CENPQ: variants seen among roughly 807,000 people sequenced by gnomAD.
CENPQ encodes chromosome 6 open reading frame 139.
In CENPQ, 27 loss-of-function variants were observed where a neutral mutation model predicts 36.6. The ratio of observed to expected loss-of-function variants is 0.74; its 90% CI spans 0.54 to 1.02. The LOEUF (loss-of-function observed/expected upper bound fraction) is 1.02. CENPQ is among the 50% of genes least tolerant of loss of function. The pLI is 0.00. For missense variants in CENPQ, 306 were observed against 301.8 expected (o/e 1.01, Z -0.10); for synonymous variants, 101 against 101.7 (o/e 0.99, Z 0.04).
Position 49,481,025 on chromosome 6 carries a change from T to C in CENPQ, c.422T>C (p.Leu141Pro). ...MEDLTNVSSL[L>P]NMERARDKAN... is the part of the protein sequence containing the mutation. ...GATTTAACTAATGTATCAAGTCTAC[T>C]GAATATGGAAAGGGCACGAGACAAA... Residue 141 changes from leucine (L) to proline (P), a missense_variant, in exon 6 of 9, where the codon CTG becomes CCG. By Grantham distance (98) the Leu-to-Pro change is moderately conservative (BLOSUM62 -3). Transcript: ENST00000335783. 1 of 1,611,766 alleles carries C rather than the reference T, an allele frequency of 6.2e-7. No homozygotes were observed. The highest frequency in any genetic ancestry group is 1.1e-5 in the South Asian group (1 of 90,474).
At chr6:49,478,886 G>A (rs1768364850) in intron 5 of CENPQ, among the ~76,000 whole-genome samples, 1 of 152,092 alleles carries the variant, frequency 6.6e-6, no homozygotes, top group South Asian at 2.1e-4. Context: ...TGATATAATA[G>A]GATATATTCA....
intron 1 of CENPQ, among the ~76,000 whole-genome samples, chr6:49,468,555 C>A (rs1768057718): frequency 6.6e-6 from 1 of 151,992 alleles, no homozygotes; most frequent in Admixed American, 6.6e-5. Context: ...CGAGATCGCA[C>A]CACTGCACTC....
In CENPQ at chr6:49,471,830, T is replaced by C. The variant is rs546885546; in HGVS notation, c.158-233T>C. 3.9e-5 allele frequency among the ~76,000 whole-genome samples: 6 copies of C among 152,296 alleles called. No individual in the cohort carries two copies. The East Asian group carries it at 1.2e-3, about 29-fold the overall frequency. On this transcript the variant is annotated intron_variant, in intron 3 of 8. Coordinates refer to ENST00000335783, the MANE Select transcript of CENPQ (RefSeq NM_018132.4). The stretch of plus-strand genomic sequence containing the variant: ...AGTTTGATTCTTCATTTAAAATTAT[T>C]TCTATTATCACTTGGTAGTATTTCT...
intron 5 of CENPQ, among the ~76,000 whole-genome samples, chr6:49,476,711 T>C (rs923054685): frequency 6.6e-6 from 1 of 151,954 alleles, no homozygotes; most frequent in Non-Finnish European, 1.5e-5. Flanking sequence ...TACAATGAAC[T>C]CAAACAAATT....
In CENPQ at chr6:49,481,082, T is replaced by G. The variant is rs772770346; in HGVS notation, c.477+2T>G. Reference sequence around the variant, plus strand: ...GAAGAAGGTCTGGCATTACTACAGGTATGAAATTTGAATAGGGAATCCATA... The same window carrying G: ...GAAGAAGGTCTGGCATTACTACAGGGATGAAATTTGAATAGGGAATCCATA... On this transcript the variant is annotated splice_donor_variant, in intron 6 of 8. Coordinates refer to ENST00000335783, the MANE Select transcript of CENPQ (RefSeq NM_018132.4). LOFTEE classifies it high-confidence loss of function. 3.1e-6 allele frequency: 5 copies of G among 1,592,262 alleles called. No homozygotes were observed. In the South Asian group the frequency reaches 5.8e-5, roughly 19 times the overall value.
chr6:49,487,285 G>A (rs72855824), intron 6 of CENPQ, among the ~76,000 whole-genome samples: 34,228 of 149,014 alleles, frequency 0.23, 4,010 homozygotes, highest in South Asian at 0.28. Flanking sequence ...TAAGGGGCCA[G>A]ACAACATTTT....
intron 6 of CENPQ, among the ~76,000 whole-genome samples, chr6:49,482,184 G>T (rs566021722): frequency 6.6e-6 from 1 of 152,150 alleles, no homozygotes; most frequent in Admixed American, 6.5e-5. Context: ...GCGCAGCCCC[G>T]GTTCCCGCTC....
At position 49,493,103 on chromosome 6, in the gene CENPQ, T is replaced by C. The variant is rs1410155059; in HGVS notation, c.*828T>C. 6.6e-6 allele frequency: 1 copy of C among 151,880 alleles called. No individual in the cohort carries two copies. Among genetic ancestry groups the C allele is most frequent in the East Asian group, 1.9e-4 (1 of 5,178 alleles). 9.4% of individuals were successfully genotyped at this position (151,880 alleles called of 1,614,324 possible). On this transcript the variant is annotated 3_prime_UTR_variant, in exon 9 of 9. Coordinates refer to ENST00000335783, the MANE Select transcript of CENPQ (RefSeq NM_018132.4). ...TGTAAAATAAAATGACTGCAATTAC[T>C]TTTTTATGTGACCTATAATATCAGT...
At chr6:49,490,013 T>C (rs1238100981) in intron 8 of CENPQ, among the ~76,000 whole-genome samples, 3 of 152,226 alleles carry the variant, frequency 2.0e-5, no homozygotes, top group African/African-American at 7.2e-5. Flanking sequence ...TCAGTGAGCA[T>C]TGGCTTCAAC....
intron 6 of CENPQ, among the ~76,000 whole-genome samples, chr6:49,483,666 GC>G (rs1199844310): frequency 6.6e-6 from 1 of 152,216 alleles, no homozygotes; most frequent in Non-Finnish European, 1.5e-5. Context: ...TGGGTGCTAA[GC>G]CCCTCATTGC....
At chr6:49,474,594 A>G (rs921041045) in intron 5 of CENPQ, among the ~76,000 whole-genome samples, 1 of 152,228 alleles carries the variant, frequency 6.6e-6, no homozygotes, top group Non-Finnish European at 1.5e-5. Context: ...CATCACAATT[A>G]AAAGAACTAG....
At chr6:49,483,770 G>A (rs568421155) in intron 6 of CENPQ, among the ~76,000 whole-genome samples, 32 of 152,328 alleles carry the variant, frequency 2.1e-4, no homozygotes, top group Non-Finnish European at 3.1e-4. Context: ...AGCACCGGGC[G>A]CAGCCCCGGT....
Position 49,480,948 on chromosome 6 carries a change from A to G in CENPQ, c.348-3A>G. 1 of 1,569,380 alleles carries G rather than the reference A, an allele frequency of 6.4e-7. No individual in the cohort carries two copies. Among genetic ancestry groups the G allele is most frequent in the East Asian group, 2.3e-5 (1 of 44,426 alleles). On this transcript the variant is annotated splice_polypyrimidine_tract_variant and splice_region_variant and intron_variant, in intron 5 of 8. Coordinates refer to ENST00000335783, the MANE Select transcript of CENPQ (RefSeq NM_018132.4). The stretch of plus-strand genomic sequence containing the variant: ...AAATAATTGTTTTTATTTTATCCTT[A>G]AGATTGCTACAACAGTGTGAAACTC...
Position 49,489,487 on chromosome 6 carries a change from A to G in CENPQ, c.675+803A>G, listed in dbSNP as rs146675972. Among the ~76,000 whole-genome samples the G allele has an allele frequency of 7.2e-4, 109 of 152,270 alleles. 3 individuals are homozygous for G. The East Asian group carries it at 0.018, about 25-fold the overall frequency. Reference sequence around the variant, plus strand: ...GAACTTCTCAAAGTCATCCATGAGGATTCAAAATTGAATCCATTTTTTCTA... The same window carrying G: ...GAACTTCTCAAAGTCATCCATGAGGGTTCAAAATTGAATCCATTTTTTCTA... On this transcript the variant is annotated intron_variant, in intron 8 of 8. Transcript: ENST00000335783.
At chr6:49,487,309 C>A (rs997776235) in intron 6 of CENPQ, among the ~76,000 whole-genome samples, 3 of 151,260 alleles carry the variant, frequency 2.0e-5, no homozygotes, top group African/African-American at 7.3e-5. Flanking sequence ...CTTTATGGAC[C>A]ACATGTGGTT....
chr6:49,485,947 CA>C (rs1419437283), intron 6 of CENPQ, among the ~76,000 whole-genome samples: 2 of 152,256 alleles, frequency 1.3e-5, no homozygotes, highest in South Asian at 4.1e-4. Flanking sequence ...TGCTGTTATA[CA>C]TTCCCTTTGT....
chr6:49,487,168 A>AAAAAAAAAAAGATGGTCCTGAGTTG lies in CENPQ; in HGVS notation c.478-1183_478-1182insAAAAAAAAAGATGGTCCTGAGTTGA, dbSNP rs541811843. On this transcript the variant is annotated intron_variant, in intron 6 of 8. Transcript: ENST00000335783. ...AACTCCATCTCAAAAAAAAAAAAAA[A>AAAAAAAAAAAGATGGTCCTGAGTTG]ATAAAAAAAATAAAAACAGAGTCTG... is the stretch of plus-strand genomic sequence containing the variant. Among the ~76,000 whole-genome samples the AAAAAAAAAAAGATGGTCCTGAGTTG allele has an allele frequency of 1.6e-3, 117 of 72,318 alleles. 37 individuals are homozygous for AAAAAAAAAAAGATGGTCCTGAGTTG. The highest frequency in any genetic ancestry group is 4.3e-3 in the African/African-American group (93 of 21,436). 47.4% of individuals were successfully genotyped at this position (72,318 alleles called of 152,430 possible). A position where few individuals can be genotyped will look rare whatever the true frequency, so the allele number is the denominator to read the frequency against.
At chr6:49,485,397 T>C (rs1768551967) in intron 6 of CENPQ, among the ~76,000 whole-genome samples, 2 of 152,162 alleles carry the variant, frequency 1.3e-5, no homozygotes. Context: ...TTAGACTCCC[T>C]TGATCTTGTC....
At chr6:49,478,582 T>C (rs562700422) in intron 5 of CENPQ, among the ~76,000 whole-genome samples, 8 of 152,302 alleles carry the variant, frequency 5.3e-5, no homozygotes, top group African/African-American at 1.9e-4. Flanking sequence ...CATTTTAGCC[T>C]GGCGAAGAAA....
Sources: allele counts gnomAD v4.1 joint callset (sites outside exome capture counted in the v4.1 genomes callset), GRCh38; gene constraint gnomAD v4.1.1; transcripts MANE v1.5; gene names NCBI Gene and HGNC (gene_info 2026-07-23, HGNC 2026-07-21).